Variants in DKK2 observed in about 807,000 individuals in gnomAD.
DKK2 encodes dickkopf-related protein 2.
A neutral mutation model predicts 28.1 loss-of-function variants in DKK2; 11 were observed. The ratio of observed to expected loss-of-function variants is 0.39; its 90% CI spans 0.25 to 0.65. The LOEUF (loss-of-function observed/expected upper bound fraction) is 0.65. Ranked by LOEUF, DKK2 falls within the 30% of genes least tolerant of loss-of-function variation. The probability of loss-of-function intolerance (pLI) is 0.47; values close to 1 mark genes in which losing one functional copy is unlikely to be tolerated. For missense variants in DKK2, 326 were observed against 335.5 expected (o/e 0.97, Z 0.22); for synonymous variants, 135 against 126.5 (o/e 1.07, Z -0.45).
chr4:106,930,541 A>C (rs904076711), intron 1 of DKK2, among the ~76,000 whole-genome samples: 2 of 152,156 alleles, frequency 1.3e-5, no homozygotes, highest in African/African-American at 4.8e-5. Context: ...TCAAAATAAT[A>C]ATATTGTCCT....
chr4:107,019,399 G>A (rs1723659381), intron 1 of DKK2, among the ~76,000 whole-genome samples: 1 of 151,902 alleles, frequency 6.6e-6, no homozygotes, highest in South Asian at 2.1e-4. Flanking sequence ...CTTCCTGCTT[G>A]ATTACCTCCT....
rs111910588 is a variant in DKK2 at position 107,003,353 on chromosome 4, G to A, written c.222+32017C>T. ...ACAAACCTCCACCAAGTTTCCTGTG[G>A]CTTTCCTCTGCTCAGGCATAGTTCA... On this transcript the variant is annotated intron_variant, in intron 1 of 3. Coordinates refer to ENST00000285311, the MANE Select transcript of DKK2 (RefSeq NM_014421.3). Among the ~76,000 whole-genome samples, 13 of 152,326 alleles carry A rather than the reference G, an allele frequency of 8.5e-5. 1 individual carries two copies. The highest frequency in any genetic ancestry group is 2.6e-4 in the African/African-American group (11 of 41,574).
At chr4:106,964,195 T>C (rs1445365867) in intron 1 of DKK2, among the ~76,000 whole-genome samples, 1 of 152,186 alleles carries the variant, frequency 6.6e-6, no homozygotes, top group Non-Finnish European at 1.5e-5. Flanking sequence ...TAAATCCTGC[T>C]ATTGAAAACA....
At chr4:106,999,204 A>G (rs1159279847) in intron 1 of DKK2, among the ~76,000 whole-genome samples, 1 of 152,200 alleles carries the variant, frequency 6.6e-6, no homozygotes, top group Non-Finnish European at 1.5e-5. Flanking sequence ...CAACTGAAGT[A>G]TGGAAATCAT....
chr4:107,021,609 G>A (rs528635282), intron 1 of DKK2, among the ~76,000 whole-genome samples: 2 of 152,068 alleles, frequency 1.3e-5, no homozygotes, highest in South Asian at 2.1e-4. Context: ...GGTTACCGCC[G>A]ATTCCTACAC....
chr4:107,023,846 T>G (rs942898275), intron 1 of DKK2, among the ~76,000 whole-genome samples: 12 of 152,084 alleles, frequency 7.9e-5, no homozygotes, highest in African/African-American at 2.9e-4. Flanking sequence ...ATCACACTAG[T>G]TCTCTGAACA....
chr4:107,030,405 A>G (rs1251660904), intron 1 of DKK2, among the ~76,000 whole-genome samples: 4 of 152,036 alleles, frequency 2.6e-5, no homozygotes. Context: ...GATGCTACAT[A>G]ATGCAATATG....
In DKK2 at chr4:107,035,959, ATCTCGGCGGTTTAAC is replaced by A. The variant is rs1414332253; in HGVS notation, c.-383_-369del. ...CCCGCACCTCCTTGGTCCCGCCGGG[ATCTCGGCGGTTTAAC>A]TCTCCTCTTAATTGATCAGGAGGCC... On this transcript the variant is annotated 5_prime_UTR_variant, in exon 1 of 4. Coordinates refer to ENST00000285311, the MANE Select transcript of DKK2 (RefSeq NM_014421.3). 1.4e-5 allele frequency: 4 copies of A among 284,472 alleles called. No homozygotes were observed. The highest frequency in any genetic ancestry group is 8.7e-5 in the African/African-American group (4 of 45,730). 17.6% of individuals were successfully genotyped at this position (284,472 alleles called of 1,614,324 possible). A position where few individuals can be genotyped will look rare whatever the true frequency, so the allele number is the denominator to read the frequency against.
rs377661373 is a variant in DKK2 at position 107,022,180 on chromosome 4, C to T, written c.222+13190G>A. Reference sequence around the variant, plus strand: ...ACCATATTAGAAACAGAATCAAGAACTAGACAATTTCTGGGAACCTCTTTC... The same window carrying T: ...ACCATATTAGAAACAGAATCAAGAATTAGACAATTTCTGGGAACCTCTTTC... On this transcript the variant is annotated intron_variant, in intron 1 of 3. Coordinates refer to ENST00000285311, the MANE Select transcript of DKK2 (RefSeq NM_014421.3). Among the ~76,000 whole-genome samples, 9 of 152,142 alleles carry T rather than the reference C, an allele frequency of 5.9e-5. 1 individual carries two copies. The highest frequency in any genetic ancestry group is 5.9e-4 in the Admixed American group (9 of 15,268).
rs146066955 is a variant in DKK2 at position 107,000,635 on chromosome 4, T to C, written c.222+34735A>G. On this transcript the variant is annotated intron_variant, in intron 1 of 3. Transcript: ENST00000285311. ...TAATTGAAGGGACCCTGTTCCAGAT[T>C]TCCAAAGTTGTGGCACTTTTGTAAT... Among the ~76,000 whole-genome samples the C allele has an allele frequency of 2.9e-4, 44 of 152,336 alleles. No individual in the cohort carries two copies. The East Asian group carries it at 7.1e-3, about 25-fold the overall frequency.
intron 1 of DKK2, among the ~76,000 whole-genome samples, chr4:106,983,896 A>G (rs1303545048): frequency 6.6e-6 from 1 of 152,200 alleles, no homozygotes; most frequent in Non-Finnish European, 1.5e-5. Context: ...TGCAAATTAA[A>G]ACCACAATAG....
chr4:106,926,068 T>G (rs1220025954), intron 1 of DKK2, 119 bp from the exon 2 acceptor site: 3 of 1,090,610 alleles, frequency 2.8e-6, no homozygotes, highest in Non-Finnish European at 3.8e-6. Context: ...CGGAAGGAAC[T>G]ATACCATCAT....
At position 106,959,759 on chromosome 4, in the gene DKK2, C is replaced by T. The variant is rs150027028; in HGVS notation, c.223-33810G>A. On this transcript the variant is annotated intron_variant, in intron 1 of 3. Coordinates refer to ENST00000285311, the MANE Select transcript of DKK2 (RefSeq NM_014421.3). ...ACTCATTCATTCATGCATTCATTCACCAAATACTTTTTGCCCCTTGTGAAA... is the reference window on the plus strand; with the variant it reads ...ACTCATTCATTCATGCATTCATTCATCAAATACTTTTTGCCCCTTGTGAAA... Among the ~76,000 whole-genome samples the T allele has an allele frequency of 4.4e-3, 672 of 152,188 alleles. 5 individuals carry two copies. Among genetic ancestry groups the T allele is most frequent in the African/African-American group, 0.016 (647 of 41,544 alleles).
At chr4:107,011,677 A>G (rs80146685) in intron 1 of DKK2, among the ~76,000 whole-genome samples, 1,680 of 150,304 alleles carry the variant, frequency 0.011, 23 homozygotes, top group African/African-American at 0.037. Flanking sequence ...AAATTAGCAT[A>G]TATCTTTGTC....
At chr4:106,947,763 C>T (rs750091378) in intron 1 of DKK2, among the ~76,000 whole-genome samples, 2 of 150,386 alleles carry the variant, frequency 1.3e-5, no homozygotes, top group Non-Finnish European at 3.0e-5. Context: ...TGACCTCGAA[C>T]TACTAGGCTC....
At chr4:107,028,855 A>G (rs1346957583) in intron 1 of DKK2, among the ~76,000 whole-genome samples, 1 of 152,236 alleles carries the variant, frequency 6.6e-6, no homozygotes, top group East Asian at 1.9e-4. Context: ...TCTGTCACAT[A>G]GCGACATTCA....
intron 1 of DKK2, among the ~76,000 whole-genome samples, chr4:107,023,380 C>A (rs1177513655): frequency 6.6e-6 from 1 of 151,796 alleles, no homozygotes; most frequent in Non-Finnish European, 1.5e-5. Flanking sequence ...GTGAAAGAAG[C>A]CAATCTGAAA....
intron 1 of DKK2, among the ~76,000 whole-genome samples, chr4:107,018,837 C>T (rs1560592971): frequency 6.6e-6 from 1 of 152,148 alleles, no homozygotes; most frequent in East Asian, 1.9e-4. Flanking sequence ...CTAAAACTGA[C>T]ATCTAAAAAA....
chr4:106,924,481 A>G (rs1359742797), intron 3 of DKK2, 64 bp downstream of exon 3: 12 of 1,537,958 alleles, frequency 7.8e-6, no homozygotes, highest in Non-Finnish European at 9.7e-6. Context: ...AATGGAATTA[A>G]TTATCTATAT....
Sources: allele counts gnomAD v4.1 joint callset (sites outside exome capture counted in the v4.1 genomes callset), GRCh38; gene constraint gnomAD v4.1.1; transcripts MANE v1.5; gene names NCBI Gene and HGNC (gene_info 2026-07-23, HGNC 2026-07-21).